HNRNPA3: variants seen among roughly 807,000 people sequenced by gnomAD.
The protein encoded by HNRNPA3 is heterogeneous nuclear ribonucleoprotein A3.
In HNRNPA3, 3 loss-of-function variants were observed where a neutral mutation model predicts 45.8. That is an observed-to-expected ratio of 0.07 (90% confidence interval 0.03 to 0.17). The LOEUF (loss-of-function observed/expected upper bound fraction) is 0.17. HNRNPA3 is among the 10% of genes least tolerant of loss of function. HNRNPA3 has a pLI of 1.00. For synonymous variants in HNRNPA3, 170 were observed against 155.6 expected (o/e 1.09, Z -0.69); for missense variants, 183 against 480.3 (o/e 0.38, Z 5.79).
chr2:177,219,596 G>C (rs1302620397), exon 11 of HNRNPA3: 1 of 290,956 alleles, frequency 3.4e-6, no homozygotes, highest in East Asian at 6.2e-5. Context: ...CATAGCCACA[G>C]TTTGCAAAAA....
At chr2:177,216,807 A>T in intron 6 of HNRNPA3, 36 bp downstream of exon 6, 1 of 1,613,608 alleles carries the variant, frequency 6.2e-7, no homozygotes, top group Non-Finnish European at 8.5e-7. Context: ...TGGATACCTG[A>T]CATTTTGGTA....
chr2:177,218,043 CTCTTT>C (rs1362118590), intron 8 of HNRNPA3, among the ~76,000 whole-genome samples, 198 bp downstream of exon 8: 1 of 127,224 alleles, frequency 7.9e-6, no homozygotes, highest in African/African-American at 3.0e-5. Context: ...GTACTCAGCT[CTCTTT>C]TTTCTTTTTT....
intron 1 of HNRNPA3, among the ~76,000 whole-genome samples, chr2:177,213,223 C>T (rs1453733414): frequency 6.6e-6 from 1 of 152,182 alleles, no homozygotes; most frequent in Non-Finnish European, 1.5e-5. Context: ...AGGGGACGAG[C>T]AGGCACATCC....
chr2:177,221,336 A>T (rs1313076735), downstream of HNRNPA3: 10 of 152,478 alleles, frequency 6.6e-5, no homozygotes, highest in Non-Finnish European at 1.5e-4. Flanking sequence ...AATTGTCTCA[A>T]GTTCTTTTAT....
At chr2:177,216,398 C>G (rs927024543) in intron 4 of HNRNPA3, 105 bp from the exon 5 acceptor site, 16 of 819,260 alleles carry the variant, frequency 2.0e-5, no homozygotes, top group South Asian at 3.3e-5. Context: ...GAGTCACTAC[C>G]TGATTATGTC....
downstream of HNRNPA3, chr2:177,220,357 A>T (rs1210662475): frequency 1.3e-5 from 2 of 153,656 alleles, no homozygotes; most frequent in Non-Finnish European, 2.9e-5. Flanking sequence ...AACCATTCTT[A>T]AAAACTTTTG....
chr2:177,222,674 C>T (rs1247331575), downstream of HNRNPA3: 1 of 152,328 alleles, frequency 6.6e-6, no homozygotes, highest in Middle Eastern at 3.4e-3. Context: ...CTTGGTGATA[C>T]ACATCTGTAG....
chr2:177,216,702 A>T (rs1016448667), exon 6 of HNRNPA3: 1 of 1,614,154 alleles, frequency 6.2e-7, no homozygotes, highest in Non-Finnish European at 8.5e-7. Context: ...TGGCAATTTT[A>T]TGGGTCGCGG....
In HNRNPA3 at chr2:177,215,580, T is replaced by C. The variant is rs762787524; in HGVS notation, c.114T>C (p.Phe38=). The change falls in exon 2 of 11, where the codon TTT becomes TTC. Residue 38 remains phenylalanine (F), a synonymous_variant. Coordinates refer to ENST00000392524, the Ensembl canonical transcript of HNRNPA3. The stretch of plus-strand genomic sequence containing the variant: ...AACCAGAGCAGTTGAGAAAACTGTT[T>C]ATTGGTGGTCTGAGCTTTGAAACTA... 1.6e-5 allele frequency: 26 copies of C among 1,613,714 alleles called. No homozygotes were observed. In the Admixed American group the frequency reaches 4.0e-4, roughly 25 times the overall value.
intron 8 of HNRNPA3, 46 bp downstream of exon 8, chr2:177,217,891 C>G: frequency 6.8e-7 from 1 of 1,476,510 alleles, no homozygotes; most frequent in Non-Finnish European, 9.1e-7. Flanking sequence ...TTCAGTGTTG[C>G]TAACAGTTCC....
rs114499314 is a variant in HNRNPA3, at chr2:177,215,463, C to A, written c.73-76C>A. 6,028 of 1,397,098 alleles carry A rather than the reference C, an allele frequency of 4.3e-3. 219 individuals carry two copies. In the African/African-American group the frequency reaches 0.076, roughly 18 times the overall value. The allele number at this position is 1,397,098 out of a possible 1,614,324, so 86.5% of individuals were successfully genotyped here. Reference sequence around the variant, plus strand: ...ATTTGATGTTGATTTTATTACTTACCGTACATTAAAGGCTCTTCGTGCATC... The same window carrying A: ...ATTTGATGTTGATTTTATTACTTACAGTACATTAAAGGCTCTTCGTGCATC... On this transcript the variant is annotated intron_variant, in intron 1 of 10. Coordinates refer to ENST00000392524, the Ensembl canonical transcript of HNRNPA3.
At chr2:177,222,836 A>G (rs1296691379), downstream of HNRNPA3, 1 of 152,634 alleles carries the variant, frequency 6.6e-6, no homozygotes, top group Non-Finnish European at 1.5e-5. Context: ...TGGCCTCATA[A>G]GTTGTCTTGC....
At chr2:177,219,062 T>C (rs781146098) in exon 9 of HNRNPA3, 1 of 1,614,030 alleles carries the variant, frequency 6.2e-7, no homozygotes, top group East Asian at 2.2e-5. Context: ...GTGGGAACTA[T>C]AATGATTTTG....
downstream of HNRNPA3, chr2:177,220,831 T>A (rs150665122): frequency 3.3e-5 from 5 of 152,496 alleles, no homozygotes; most frequent in African/African-American, 1.2e-4. Context: ...TATATACATA[T>A]ATTAATATAA....
exon 6 of HNRNPA3, chr2:177,216,753 G>A (rs1320811053): frequency 6.2e-7 from 1 of 1,614,076 alleles, no homozygotes. Context: ...TGGCCGTGGT[G>A]GAAACTTTGG....
At chr2:177,218,262 C>T (rs978767661) in intron 8 of HNRNPA3, among the ~76,000 whole-genome samples, 1 of 151,976 alleles carries the variant, frequency 6.6e-6, no homozygotes, top group African/African-American at 2.4e-5. Context: ...TGGGGTTTCA[C>T]CATGTTAGCC....
intron 1 of HNRNPA3, among the ~76,000 whole-genome samples, chr2:177,213,138 G>A (rs1344301244): frequency 6.6e-6 from 1 of 152,134 alleles, no homozygotes; most frequent in Non-Finnish European, 1.5e-5. Flanking sequence ...CCGGCTGCGC[G>A]GCCTCCGAAG....
intron 1 of HNRNPA3, among the ~76,000 whole-genome samples, chr2:177,213,383 C>T (rs544978357): frequency 6.6e-6 from 1 of 152,344 alleles, no homozygotes; most frequent in South Asian, 2.1e-4. Context: ...GGCGGCCCGG[C>T]AGAAAAAGCC....
downstream of HNRNPA3, chr2:177,223,824 A>G (rs1689293686): frequency 1.3e-5 from 2 of 152,220 alleles, no homozygotes; most frequent in Non-Finnish European, 2.9e-5. Context: ...TTACAGAAAG[A>G]TAACTTTTTC....
Sources: allele counts gnomAD v4.1 joint callset (sites outside exome capture counted in the v4.1 genomes callset), GRCh38; gene constraint gnomAD v4.1.1; transcripts MANE v1.5; gene names NCBI Gene and HGNC (gene_info 2026-07-23, HGNC 2026-07-21).